The following ELOVL2 variants were observed in gnomAD, a reference collection of about 807,000 sequenced individuals.
ELOVL2 encodes the protein ELOVL fatty acid elongase 2.
Under a neutral mutation model 37.7 loss-of-function variants are expected in ELOVL2, and 38 were observed. That is an observed-to-expected ratio of 1.01 (90% CI 0.78 to 1.32). ELOVL2 has a LOEUF of 1.32. ELOVL2 is among the 40% of genes most tolerant of loss of function. The pLI is 0.00. For missense variants in ELOVL2, 352 were observed against 363.6 expected (o/e 0.97, Z 0.26); for synonymous variants, 115 against 122.3 (o/e 0.94, Z 0.40).
chr6:10,987,734 T>G (rs904186265), intron 7 of ELOVL2, among the ~76,000 whole-genome samples: 6 of 152,224 alleles, frequency 3.9e-5, no homozygotes, highest in African/African-American at 1.2e-4. Context: ...TCTGCATTAG[T>G]TGCTCACTTG....
At chr6:11,039,006 G>A (rs550099455) in intron 1 of ELOVL2, among the ~76,000 whole-genome samples, 14 of 152,296 alleles carry the variant, frequency 9.2e-5, no homozygotes, top group South Asian at 4.2e-4. Context: ...TGTGACATAT[G>A]GTAAGGCAGG....
chr6:11,026,607 C>G (rs1475470990), intron 1 of ELOVL2, among the ~76,000 whole-genome samples: 1 of 152,134 alleles, frequency 6.6e-6, no homozygotes, highest in Non-Finnish European at 1.5e-5. Flanking sequence ...TTGTTTCACT[C>G]GACTAACTAG....
At chr6:11,036,717 T>C (rs1198286296) in intron 1 of ELOVL2, among the ~76,000 whole-genome samples, 1 of 147,866 alleles carries the variant, frequency 6.8e-6, no homozygotes, top group East Asian at 1.9e-4. Flanking sequence ...GCTTCTAGAA[T>C]GGGAGCAGAA....
rs986518435 is a variant in ELOVL2, at chr6:11,009,072, T to A, written c.67+1674A>T. On this transcript the variant is annotated intron_variant, in intron 2 of 7. Transcript: ENST00000354666. Reference sequence around the variant, plus strand: ...AATTCATTCATTTATTTGGAAAATATACAGTGCTGAATATGTTCCCAGAAC... The same window carrying A: ...AATTCATTCATTTATTTGGAAAATAAACAGTGCTGAATATGTTCCCAGAAC... Among the ~76,000 whole-genome samples, 5 of 152,330 alleles carry A rather than the reference T, an allele frequency of 3.3e-5. No homozygotes were observed. In the East Asian group the frequency reaches 9.6e-4, roughly 29 times the overall value.
intron 1 of ELOVL2, among the ~76,000 whole-genome samples, chr6:11,042,131 G>A (rs915811641): frequency 3.3e-5 from 5 of 152,186 alleles, no homozygotes; most frequent in African/African-American, 1.2e-4. Flanking sequence ...TGGACAACAT[G>A]GTGAAACTCT....
At chr6:10,993,807 C>G (rs1782209311) in intron 5 of ELOVL2, among the ~76,000 whole-genome samples, 1 of 151,718 alleles carries the variant, frequency 6.6e-6, no homozygotes, top group Non-Finnish European at 1.5e-5. Flanking sequence ...CCCACCTCAG[C>G]CTCCCGAGGA....
Position 11,044,164 on chromosome 6 carries a change from G to T in ELOVL2, c.3+64C>A. 1 of 1,440,462 alleles carries T rather than the reference G, an allele frequency of 6.9e-7. No homozygotes were observed. The highest frequency in any genetic ancestry group is 9.1e-7 in the Non-Finnish European group (1 of 1,093,516). 89.2% of individuals were successfully genotyped at this position (1,440,462 alleles called of 1,614,324 possible). A position where few individuals can be genotyped will look rare whatever the true frequency, so the allele number is the denominator to read the frequency against. On this transcript the variant is annotated intron_variant, in intron 1 of 7. Coordinates refer to ENST00000354666, the MANE Select transcript of ELOVL2 (RefSeq NM_017770.4). This position sits in a 1 kb window ranked among gnomAD's most constrained non-coding sequence, Gnocchi z 5.6. Reference sequence around the variant, plus strand: ...CGCCCGCTCGGCCCTTTCCCGCCCGGTGCGTGGGTCCAGGAGAGAAAGAAA... The same window carrying T: ...CGCCCGCTCGGCCCTTTCCCGCCCGTTGCGTGGGTCCAGGAGAGAAAGAAA...
At chr6:11,025,052 G>T (rs1581878001) in intron 1 of ELOVL2, among the ~76,000 whole-genome samples, 1 of 152,276 alleles carries the variant, frequency 6.6e-6, no homozygotes, top group East Asian at 1.9e-4. Flanking sequence ...TTCGCAGTGT[G>T]CAATGGTAGC....
chr6:11,027,070 T>A (rs1267217366), intron 1 of ELOVL2, among the ~76,000 whole-genome samples: 1 of 152,234 alleles, frequency 6.6e-6, no homozygotes, highest in Non-Finnish European at 1.5e-5. Context: ...GGAAATTTTG[T>A]ATCCTTTGAC....
chr6:10,986,218 GA>G (rs1195842187), intron 7 of ELOVL2, among the ~76,000 whole-genome samples: 1 of 152,222 alleles, frequency 6.6e-6, no homozygotes. Context: ...AGACTTTGCT[GA>G]AGTTGCTTAT....
intron 4 of ELOVL2, among the ~76,000 whole-genome samples, chr6:10,999,183 T>C (rs1782329029): frequency 6.6e-6 from 1 of 152,186 alleles, no homozygotes; most frequent in South Asian, 2.1e-4. Flanking sequence ...ACTTAATATA[T>C]AGGTATATTC....
chr6:10,997,389 C>A lies in ELOVL2; in HGVS notation c.334-2211G>T, dbSNP rs944971242. On this transcript the variant is annotated intron_variant, in intron 4 of 7. Coordinates refer to ENST00000354666, the MANE Select transcript of ELOVL2 (RefSeq NM_017770.4). The stretch of plus-strand genomic sequence containing the variant: ...ATCTTCTAATGGCCCAATCCATGTT[C>A]AAATTTCTCGGTCTCAAAAATGTCG... Among the ~76,000 whole-genome samples, 3 of 152,258 alleles carry A rather than the reference C, an allele frequency of 2.0e-5. No individual in the cohort carries two copies. In the South Asian group the frequency reaches 6.2e-4, roughly 32 times the overall value.
intron 1 of ELOVL2, among the ~76,000 whole-genome samples, chr6:11,025,754 CAGT>C (rs1216116414): frequency 6.6e-6 from 1 of 152,098 alleles, no homozygotes; most frequent in Non-Finnish European, 1.5e-5. Flanking sequence ...ATAAAACGTA[CAGT>C]AGTTGTTATT....
intron 5 of ELOVL2, among the ~76,000 whole-genome samples, chr6:10,994,630 G>A (rs1047002477): frequency 3.3e-5 from 5 of 152,158 alleles, no homozygotes; most frequent in Non-Finnish European, 7.3e-5. Flanking sequence ...CCTAAAAGCT[G>A]AAATGCCTCG....
At chr6:11,010,060 G>C (rs1205374645) in intron 2 of ELOVL2, among the ~76,000 whole-genome samples, 2 of 140,562 alleles carry the variant, frequency 1.4e-5, no homozygotes, top group African/African-American at 5.3e-5. Flanking sequence ...GTCTCACTCT[G>C]TTGCCCAGGA....
At chr6:10,987,943 T>C (rs1383626313) in intron 7 of ELOVL2, among the ~76,000 whole-genome samples, 1 of 152,178 alleles carries the variant, frequency 6.6e-6, no homozygotes, top group Non-Finnish European at 1.5e-5. Flanking sequence ...AATTATATGC[T>C]TGACTTCAGA....
chr6:11,008,202 C>A (rs933950683), intron 2 of ELOVL2, among the ~76,000 whole-genome samples: 3 of 152,124 alleles, frequency 2.0e-5, no homozygotes, highest in African/African-American at 7.2e-5. Flanking sequence ...GACACCTTGT[C>A]AGTGTGGAGC....
At chr6:11,024,477 C>T (rs1204198111) in intron 1 of ELOVL2, among the ~76,000 whole-genome samples, 1 of 152,174 alleles carries the variant, frequency 6.6e-6, no homozygotes, top group East Asian at 1.9e-4. Flanking sequence ...CTAGACACCA[C>T]TATTTTTTGT....
rs571858453 is a variant in ELOVL2 at position 10,989,390 on chromosome 6, C to T, written c.765+313G>A. On this transcript the variant is annotated intron_variant, in intron 7 of 7. Transcript: ENST00000354666. ...GATCTAGGCTGGGCATAGTGGCTCA[C>T]GCCTATAATCCCAGCACTTTGGGAA... Among the ~76,000 whole-genome samples the T allele has an allele frequency of 1.1e-4, 16 of 152,340 alleles. No homozygotes were observed. The East Asian group carries it at 2.3e-3, about 22-fold the overall frequency.
Sources: allele counts gnomAD v4.1 joint callset (sites outside exome capture counted in the v4.1 genomes callset), GRCh38; gene constraint gnomAD v4.1.1; non-coding constraint Gnocchi (gnomAD v3.1); transcripts MANE v1.5; gene names NCBI Gene and HGNC (gene_info 2026-07-23, HGNC 2026-07-21).